MAGI2: variants seen among roughly 807,000 people sequenced by gnomAD.
MAGI2 encodes the protein membrane-associated guanylate kinase, WW and PDZ domain-containing protein 2.
A neutral mutation model predicts 133.3 loss-of-function variants in MAGI2; 35 were observed. The observed-to-expected ratio is 0.26, with a 90% CI of 0.20 to 0.35. The LOEUF is 0.35. MAGI2 is among the 10% of genes least tolerant of loss of function. The pLI, the probability that MAGI2 is intolerant of heterozygous loss-of-function variation, is 1.00. For missense variants in MAGI2, 1,636 were observed against 1,863.4 expected (o/e 0.88, Z 2.25); for synonymous variants, 729 against 710.6 (o/e 1.03, Z -0.41).
chr7:79,076,678 T>C (rs754265323), intron 1 of MAGI2, among the ~76,000 whole-genome samples: 1 of 152,260 alleles, frequency 6.6e-6, no homozygotes, highest in Non-Finnish European at 1.5e-5. Flanking sequence ...ACTTTTCAAC[T>C]GATGTTTCTT....
chr7:78,091,130 T>C (rs6961687), intron 20 of MAGI2, among the ~76,000 whole-genome samples: 4,641 of 151,908 alleles, frequency 0.031, 246 homozygotes, highest in African/African-American at 0.11. Context: ...ATTGAATGAT[T>C]TGGGGGTAAA....
intron 3 of MAGI2, among the ~76,000 whole-genome samples, chr7:78,530,809 T>C (rs895632669): frequency 1.3e-5 from 2 of 152,170 alleles, no homozygotes; most frequent in African/African-American, 4.8e-5. Context: ...ACTGGGTTAC[T>C]ACTCTGAGAA....
intron 3 of MAGI2, among the ~76,000 whole-genome samples, chr7:78,625,630 T>A (rs1026905767): frequency 1.3e-5 from 2 of 152,192 alleles, no homozygotes. Context: ...CATTCACTCA[T>A]CACTCAGTCA....
At chr7:78,070,126 C>CACACATAT (rs3084738) in intron 21 of MAGI2, among the ~76,000 whole-genome samples, 10 of 136,224 alleles carry the variant, frequency 7.3e-5, no homozygotes, top group Non-Finnish European at 1.4e-4. Flanking sequence ...CACACACACA[C>CACACATAT]ATATATGTGT....
At chr7:78,808,860 A>G (rs1788806890) in intron 2 of MAGI2, among the ~76,000 whole-genome samples, 1 of 152,186 alleles carries the variant, frequency 6.6e-6, no homozygotes, top group South Asian at 2.1e-4. Flanking sequence ...TGCAGGAGCC[A>G]TGATGTGATA....
intron 1 of MAGI2, among the ~76,000 whole-genome samples, chr7:79,050,415 G>C (rs1015283474): frequency 1.1e-4 from 16 of 152,090 alleles, no homozygotes; most frequent in African/African-American, 3.1e-4. Flanking sequence ...CAGGGTCTTA[G>C]TATGTCACCA....
intron 9 of MAGI2, among the ~76,000 whole-genome samples, chr7:78,329,660 T>C (rs559436433): frequency 9.8e-4 from 150 of 152,370 alleles, no homozygotes; most frequent in African/African-American, 3.3e-3. Context: ...CTTTTTGTTA[T>C]GATTCAGAAT....
At chr7:78,470,741 T>A (rs1791112800) in intron 6 of MAGI2, among the ~76,000 whole-genome samples, 1 of 152,172 alleles carries the variant, frequency 6.6e-6, no homozygotes, top group African/African-American at 2.4e-5. Flanking sequence ...AATTTTTCAA[T>A]GCTTATGTGA....
chr7:78,036,056 C>CGTGTGTGT (rs3840613), intron 21 of MAGI2, among the ~76,000 whole-genome samples: 74,044 of 151,000 alleles, frequency 0.49, 18,432 homozygotes, highest in Non-Finnish European at 0.55. Flanking sequence ...TGTGTGTCTG[C>CGTGTGTGT]GTGTGTGTGT....
At chr7:78,782,197 C>T (rs1457014607) in intron 2 of MAGI2, among the ~76,000 whole-genome samples, 4 of 152,168 alleles carry the variant, frequency 2.6e-5, no homozygotes, top group African/African-American at 9.7e-5. Flanking sequence ...AACACGTCAG[C>T]TGGAGTTGGA....
intron 20 of MAGI2, among the ~76,000 whole-genome samples, chr7:78,111,124 C>T (rs1481332130): frequency 6.6e-6 from 1 of 152,198 alleles, no homozygotes; most frequent in Non-Finnish European, 1.5e-5. Context: ...TGCGTAAACA[C>T]TGCTTTGTAA....
At chr7:79,418,883 ACAC>A (rs148462083) in intron 1 of MAGI2, among the ~76,000 whole-genome samples, 37,060 of 150,198 alleles carry the variant, frequency 0.25, 6,628 homozygotes, top group African/African-American at 0.51. Flanking sequence ...ACACACACAC[ACAC>A]ATTTGTCAGA....
chr7:78,359,496 T>C (rs1268739871), intron 7 of MAGI2: 2 of 152,214 alleles, frequency 1.3e-5, no homozygotes, highest in Non-Finnish European at 2.9e-5. Flanking sequence ...AAACTTATCC[T>C]TTATCTTTAG....
intron 2 of MAGI2, among the ~76,000 whole-genome samples, chr7:78,679,820 A>G (rs895692491): frequency 1.6e-4 from 24 of 152,070 alleles, no homozygotes; most frequent in Admixed American, 1.4e-3. Context: ...AAACATAAGG[A>G]AATTGTGCCC....
At chr7:78,303,675 C>T (rs1011777685) in intron 9 of MAGI2, among the ~76,000 whole-genome samples, 4 of 152,144 alleles carry the variant, frequency 2.6e-5, no homozygotes, top group African/African-American at 4.8e-5. Context: ...TCTTCACTCC[C>T]ACAATTTTCC....
rs1020850542 is a variant in MAGI2, at chr7:78,986,040, T to G, written c.418+21050A>C. Among the ~76,000 whole-genome samples the G allele has an allele frequency of 5.9e-5, 9 of 152,058 alleles. 1 individual carries two copies. The highest frequency in any genetic ancestry group is 8.8e-5 in the Non-Finnish European group (6 of 67,972). On this transcript the variant is annotated intron_variant, in intron 2 of 21. Transcript: ENST00000354212. ...TGTCACATACTATCAGTTACTGCGC[T>G]GTGTTTATAAATTCTGTGATGCACA...
chr7:78,441,146 C>T (rs776321970), intron 6 of MAGI2, among the ~76,000 whole-genome samples: 10 of 152,146 alleles, frequency 6.6e-5, no homozygotes, highest in Non-Finnish European at 1.5e-4. Context: ...CTTGAACATT[C>T]AAGATCCTGC....
At chr7:78,143,918 C>T in intron 16 of MAGI2, among the ~76,000 whole-genome samples, 1 of 149,230 alleles carries the variant, frequency 6.7e-6, no homozygotes, top group Non-Finnish European at 1.5e-5. Context: ...ACTTATAGTC[C>T]TATAAGTTTT....
At chr7:78,193,872 A>G (rs559295356) in intron 12 of MAGI2, among the ~76,000 whole-genome samples, 1 of 152,310 alleles carries the variant, frequency 6.6e-6, no homozygotes, top group South Asian at 2.1e-4. Context: ...AGAGTTGTAG[A>G]GGATAGGGAA....
Sources: gnomAD v4.1 joint callset for allele counts (sites outside exome capture counted in the v4.1 genomes callset) on GRCh38, gnomAD v4.1.1 for gene constraint, MANE v1.5 for transcripts, NCBI Gene and HGNC (gene_info 2026-07-23, HGNC 2026-07-21) for gene names.